Variants in BCL7C observed in about 807,000 individuals in gnomAD.
BCL7C encodes BAF chromatin remodeling complex subunit BCL7C.
Under a neutral mutation model 26.2 loss-of-function variants are expected in BCL7C, and 8 were observed. The observed-to-expected ratio is 0.30, with a 90% CI of 0.18 to 0.55. The LOEUF is 0.55. BCL7C is among the 20% of genes least tolerant of loss of function. BCL7C has a pLI of 0.93. For synonymous variants in BCL7C, 90 were observed against 116.5 expected, an observed-to-expected ratio of 0.77 and a Z score of 1.47; for missense variants, 262 against 298.5, an observed-to-expected ratio of 0.88 and a Z score of 0.90.
rs1187827463 is a variant in BCL7C, at chr16:30,879,689, C to CAAAAAAAAAAA, written c.528+9160_528+9170dup. ...AACACAGAGAGACTCCCCTTCTCTACAAAAAAAAAAAAAAAAAAAACTGGG... is the reference window on the plus strand; with the variant it reads ...AACACAGAGAGACTCCCCTTCTCTACAAAAAAAAAAAAAAAAAAAAAAAAAAAAAAACTGGG... On this transcript the variant is annotated intron_variant, in intron 5 of 5. Coordinates refer to the BCL7C transcript ENST00000380317. Among the ~76,000 whole-genome samples, 213 of 29,398 alleles carry CAAAAAAAAAAA rather than the reference C, an allele frequency of 7.2e-3. 62 individuals are homozygous for CAAAAAAAAAAA. The highest frequency in any genetic ancestry group is 6.6e-3 in the African/African-American group (51 of 7,766). The allele number at this position is 29,398 out of a possible 152,430, so 19.3% of individuals were successfully genotyped here.
At position 30,892,945 on chromosome 16, in the gene BCL7C, G is replaced by C; in HGVS notation, c.175C>G (p.Arg59Gly). Reference protein sequence around the residue: ...VPVVDPQEEERRRAGGGAERS... With the variant: ...VPVVDPQEEEGRRAGGGAERS... ...TCTGCCCCGCCACCTGCCCGCCTTC[G>C]CTCCTGGGGGTTAGAGGATTAGGGT... Residue 59 changes from arginine to glycine, a missense_variant, in exon 3 of 6, where the codon CGA (arginine) becomes GGA (glycine). Transcript: ENST00000215115. 1.9e-6 allele frequency: 3 copies of C among 1,611,970 alleles called. No homozygotes were observed. The highest frequency in any genetic ancestry group is 2.5e-6 in the Non-Finnish European group (3 of 1,179,462).
intron 5 of BCL7C, among the ~76,000 whole-genome samples, chr16:30,836,968 A>AT (rs1228535186): frequency 6.6e-6 from 1 of 150,712 alleles, no homozygotes; most frequent in Non-Finnish European, 1.5e-5. Context: ...TAATTTTTGT[A>AT]TTTTTTTGGT....
At chr16:30,836,487 T>C (rs1389474385) in intron 5 of BCL7C, among the ~76,000 whole-genome samples, 2 of 150,998 alleles carry the variant, frequency 1.3e-5, no homozygotes, top group Admixed American at 1.3e-4. Flanking sequence ...TTTTTTTTTT[T>C]TTTTTGAGAC....
At chr16:30,861,046 T>G (rs1371455660) in intron 5 of BCL7C, among the ~76,000 whole-genome samples, 1 of 152,088 alleles carries the variant, frequency 6.6e-6, no homozygotes, top group Non-Finnish European at 1.5e-5. Context: ...AGAGTCAAGG[T>G]TAATGCTCCT....
chr16:30,893,361 C>CT lies in BCL7C; in HGVS notation c.93-72dup. On this transcript the variant is annotated intron_variant, in intron 1 of 5. Coordinates refer to ENST00000215115, the MANE Select transcript of BCL7C (RefSeq NM_004765.4). This position sits in a 1 kb window ranked among gnomAD's most constrained non-coding sequence, Gnocchi z 5.2. Reference sequence around the variant, plus strand: ...CCACCCCCCTAGGAGCTGGACACATCTGGGGGTACCTGCAGAGGTTGAGGA... The same window carrying CT: ...CCACCCCCCTAGGAGCTGGACACATCTTGGGGGTACCTGCAGAGGTTGAGGA... 3.3e-6 allele frequency: 4 copies of CT among 1,230,084 alleles called. No individual in the cohort carries two copies. The highest frequency in any genetic ancestry group is 4.6e-6 in the Non-Finnish European group (4 of 861,554). 76.2% of individuals were successfully genotyped at this position (1,230,084 alleles called of 1,614,324 possible).
chr16:30,889,066 G>T, intron 4 of BCL7C, 121 bp from the exon 5 acceptor site: 1 of 953,778 alleles, frequency 1.0e-6, no homozygotes. Context: ...TGGGAGCAGA[G>T]AGGAGAGAGC....
intron 5 of BCL7C, among the ~76,000 whole-genome samples, chr16:30,850,545 C>G (rs1235572569): frequency 6.6e-6 from 1 of 152,152 alleles, no homozygotes; most frequent in African/African-American, 2.4e-5. Flanking sequence ...ACTATTGCTC[C>G]TAGCCTACAG....
chr16:30,838,486 TAAAC>T (rs768550058), intron 5 of BCL7C, among the ~76,000 whole-genome samples: 6 of 152,118 alleles, frequency 3.9e-5, no homozygotes, highest in Admixed American at 6.6e-5. Context: ...CTTATGAGTA[TAAAC>T]AAACAGATTA....
At chr16:30,873,465 A>G (rs1008987909) in intron 5 of BCL7C, among the ~76,000 whole-genome samples, 3 of 152,190 alleles carry the variant, frequency 2.0e-5, no homozygotes, top group African/African-American at 7.2e-5. Flanking sequence ...AAAACTGTGA[A>G]GATACTAAGA....
At chr16:30,852,929 C>T (rs910872375) in intron 5 of BCL7C, among the ~76,000 whole-genome samples, 15 of 150,384 alleles carry the variant, frequency 1.0e-4, no homozygotes, top group African/African-American at 3.5e-4. Flanking sequence ...GAAGCTTTTT[C>T]TATTTTATTT....
intron 5 of BCL7C, among the ~76,000 whole-genome samples, chr16:30,872,208 G>A (rs1441047720): frequency 1.3e-5 from 2 of 152,162 alleles, no homozygotes; most frequent in Admixed American, 1.3e-4. Context: ...CCTTGGCCAG[G>A]AAGGGGAGAG....
intron 4 of BCL7C, 99 bp from the exon 5 acceptor site, chr16:30,889,044 G>C (rs2143153266): frequency 1.7e-6 from 2 of 1,168,590 alleles, no homozygotes; most frequent in East Asian, 2.4e-5. Flanking sequence ...AGTCACAGAG[G>C]GCAGAGGGCC....
chr16:30,862,288 G>C (rs1032235367), intron 5 of BCL7C, among the ~76,000 whole-genome samples: 5 of 152,084 alleles, frequency 3.3e-5, no homozygotes, highest in African/African-American at 4.8e-5. Flanking sequence ...CCATTATTCT[G>C]TTATGGATCT....
Position 30,858,036 on chromosome 16 carries a change from T to TTGG in BCL7C, c.529-22891_529-22889dup, listed in dbSNP as rs1159150035. 2.6e-5 allele frequency among the ~76,000 whole-genome samples: 4 copies of TTGG among 151,940 alleles called. No homozygotes were observed. In the East Asian group the frequency reaches 7.7e-4, roughly 29 times the overall value. ...TGCCTTGGATTGTAATAGCTAGCCT[T>TTGG]TGGTTAATTTATAGAGTTCTGAAAA... is the stretch of plus-strand genomic sequence containing the variant. On this transcript the variant is annotated intron_variant, in intron 5 of 5. Coordinates refer to the BCL7C transcript ENST00000380317.
intron 5 of BCL7C, among the ~76,000 whole-genome samples, chr16:30,850,088 T>TA (rs1333211380): frequency 6.6e-6 from 1 of 151,532 alleles, no homozygotes; most frequent in Non-Finnish European, 1.5e-5. Context: ...CAGGCACCTG[T>TA]AGTCCCAGCT....
chr16:30,854,067 C>T (rs537147141), intron 5 of BCL7C, among the ~76,000 whole-genome samples: 1 of 152,272 alleles, frequency 6.6e-6, no homozygotes, highest in South Asian at 2.1e-4. Context: ...AGTGGCTTCT[C>T]AGTGTCTTCC....
rs1037046101 is a variant in BCL7C, at chr16:30,893,639, G to A, written c.92+214C>T. 3.3e-5 allele frequency among the ~76,000 whole-genome samples: 5 copies of A among 152,016 alleles called. No homozygotes were observed. The highest frequency in any genetic ancestry group is 1.2e-4 in the African/African-American group (5 of 41,394). On this transcript the variant is annotated intron_variant, in intron 1 of 5. Coordinates refer to ENST00000215115, the MANE Select transcript of BCL7C (RefSeq NM_004765.4). This position sits in a 1 kb window ranked among gnomAD's most constrained non-coding sequence, Gnocchi z 5.2. ...TTTAGGGGGCGGGGCACAAGAGGGG[G>A]CTCCCGCTCTGGGAGGACACGGCTG...
At chr16:30,877,443 T>A (rs1228213184) in intron 5 of BCL7C, among the ~76,000 whole-genome samples, 2 of 15,422 alleles carry the variant, frequency 1.3e-4, no homozygotes, top group East Asian at 0.024. Flanking sequence ...TGAGTCCAGA[T>A]TTTTTTTTTT....
chr16:30,848,914 G>A (rs1380812925), intron 5 of BCL7C, among the ~76,000 whole-genome samples: 11 of 148,164 alleles, frequency 7.4e-5, no homozygotes, highest in Non-Finnish European at 4.4e-5. Flanking sequence ...AAGGCTGGGC[G>A]CGGTGGTTCA....
Sources: gnomAD v4.1 joint callset for allele counts (sites outside exome capture counted in the v4.1 genomes callset) on GRCh38, gnomAD v4.1.1 for gene constraint, Gnocchi (gnomAD v3.1) non-coding constraint, MANE v1.5 for transcripts, NCBI Gene and HGNC (gene_info 2026-07-23, HGNC 2026-07-21) for gene names.